MYO3A: variants seen among roughly 807,000 people sequenced by gnomAD.
MYO3A encodes myosin-IIIa.
In MYO3A, 180 loss-of-function variants were observed where a neutral mutation model predicts 192.7. The ratio of observed to expected loss-of-function variants is 0.93; its 90% CI spans 0.83 to 1.06. The LOEUF (loss-of-function observed/expected upper bound fraction) is 1.06, where lower values mean the gene tolerates loss of function less well. Among genes scored for constraint, MYO3A ranks in the 50% least tolerant of loss-of-function variants. The probability of loss-of-function intolerance (pLI) is 0.00; values close to 1 mark genes in which losing one functional copy is unlikely to be tolerated. For missense variants in MYO3A, 1,896 were observed against 1,905.0 expected, an observed-to-expected ratio of 1.00 and a Z score of 0.09; for synonymous variants, 628 against 645.3, an observed-to-expected ratio of 0.97 and a Z score of 0.41.
At chr10:26,075,935 G>A (rs1267144914) in intron 14 of MYO3A, among the ~76,000 whole-genome samples, 1 of 151,484 alleles carries the variant, frequency 6.6e-6, no homozygotes, top group African/African-American at 2.4e-5. Context: ...TTTTACGATT[G>A]TAAATTGTGC....
At position 26,175,442 on chromosome 10, in the gene MYO3A, T is replaced by C. The variant is rs531319515; in HGVS notation, c.4293+885T>C. ...ATACATGAATTTCCAGGGTAATCAATGGTGTATGAAGTAATAAAAGAAATA... is the reference window on the plus strand; with the variant it reads ...ATACATGAATTTCCAGGGTAATCAACGGTGTATGAAGTAATAAAAGAAATA... On this transcript the variant is annotated intron_variant, in intron 30 of 34. Coordinates refer to ENST00000642920, the MANE Select transcript of MYO3A (RefSeq NM_017433.5). 1.7e-4 allele frequency among the ~76,000 whole-genome samples: 26 copies of C among 152,314 alleles called. No individual in the cohort carries two copies. In the South Asian group the frequency reaches 5.2e-3, roughly 30 times the overall value.
At chr10:26,073,060 G>T (rs757520973) in intron 14 of MYO3A, among the ~76,000 whole-genome samples, 59 of 151,286 alleles carry the variant, frequency 3.9e-4, no homozygotes, top group Admixed American at 1.3e-4. Context: ...AGACCTCTAT[G>T]AAAAAATTTA....
At chr10:26,097,815 T>A (rs1214312420) in intron 17 of MYO3A, among the ~76,000 whole-genome samples, 1 of 152,210 alleles carries the variant, frequency 6.6e-6, no homozygotes, top group Non-Finnish European at 1.5e-5. Flanking sequence ...GTTCCAAGTC[T>A]TTGCTATTGT....
chr10:25,974,352 T>TCC (rs1838849398), intron 4 of MYO3A, among the ~76,000 whole-genome samples: 1 of 152,216 alleles, frequency 6.6e-6, no homozygotes, highest in Non-Finnish European at 1.5e-5. Flanking sequence ...CAGTCTGTGG[T>TCC]TAGCTTGTTG....
chr10:26,081,285 G>T (rs1835942326), intron 14 of MYO3A, among the ~76,000 whole-genome samples: 1 of 152,000 alleles, frequency 6.6e-6, no homozygotes. Context: ...CACTGGAGTT[G>T]TGTACCTAGG....
At chr10:26,042,216 T>C (rs2131227848) in intron 10 of MYO3A, among the ~76,000 whole-genome samples, 1 of 152,312 alleles carries the variant, frequency 6.6e-6, no homozygotes, top group East Asian at 1.9e-4. Context: ...TTATGTAATT[T>C]ACTTCTTTTG....
At chr10:26,139,221 A>G (rs1840016009) in intron 20 of MYO3A, among the ~76,000 whole-genome samples, 1 of 152,132 alleles carries the variant, frequency 6.6e-6, no homozygotes, top group Non-Finnish European at 1.5e-5. Context: ...AATTTCCCCC[A>G]TCAAAAATAG....
intron 10 of MYO3A, among the ~76,000 whole-genome samples, chr10:26,045,623 G>T (rs927195208): frequency 1.3e-5 from 2 of 152,132 alleles, no homozygotes; most frequent in Non-Finnish European, 2.9e-5. Context: ...TAGTGTTGGG[G>T]TGCTTTAGGT....
At chr10:26,095,127 G>A (rs1004452581) in intron 15 of MYO3A, among the ~76,000 whole-genome samples, 1 of 152,172 alleles carries the variant, frequency 6.6e-6, no homozygotes, top group Non-Finnish European at 1.5e-5. Flanking sequence ...GCCAAAAGTG[G>A]CAGGAAGGGG....
At chr10:26,169,534 T>C (rs1435503392) in intron 28 of MYO3A, among the ~76,000 whole-genome samples, 1 of 152,202 alleles carries the variant, frequency 6.6e-6, no homozygotes, top group African/African-American at 2.4e-5. Context: ...TTTTTAATTC[T>C]AGTCTATTCC....
At chr10:26,139,309 C>T (rs1211697884) in intron 20 of MYO3A, among the ~76,000 whole-genome samples, 4 of 150,524 alleles carry the variant, frequency 2.7e-5, no homozygotes, top group African/African-American at 7.3e-5. Context: ...GGCATGATCT[C>T]GGCTCACCAC....
chr10:25,965,214 C>G (rs1215543074), intron 4 of MYO3A, among the ~76,000 whole-genome samples: 1 of 152,192 alleles, frequency 6.6e-6, no homozygotes, highest in African/African-American at 2.4e-5. Flanking sequence ...TCTCTACCTC[C>G]TCTTTAAGGC....
chr10:26,130,490 C>G (rs772184453), intron 20 of MYO3A, among the ~76,000 whole-genome samples: 11 of 152,106 alleles, frequency 7.2e-5, no homozygotes, highest in Non-Finnish European at 1.5e-4. Flanking sequence ...GGGCTTGTTA[C>G]AAAACTTATT....
chr10:26,021,362 C>T, intron 7 of MYO3A, 141 bp from the exon 8 acceptor site: 1 of 953,588 alleles, frequency 1.0e-6, no homozygotes. Context: ...CTTTTATTCT[C>T]CTCCTAAGTT....
chr10:25,946,043 A>G (rs1181619623), intron 2 of MYO3A, among the ~76,000 whole-genome samples: 1 of 152,146 alleles, frequency 6.6e-6, no homozygotes, highest in East Asian at 1.9e-4. Flanking sequence ...TACGTTTTAT[A>G]TATTGTATCC....
chr10:26,211,102 A>G (rs1209432937), intron 34 of MYO3A, among the ~76,000 whole-genome samples: 1 of 152,184 alleles, frequency 6.6e-6, no homozygotes, highest in African/African-American at 2.4e-5. Context: ...TATAAACTCC[A>G]TGACAGCAAG....
rs201812562 is a variant in MYO3A at position 26,170,564 on chromosome 10, C to T, written c.3398+25C>T. 7.9e-4 allele frequency: 1,260 copies of T among 1,595,330 alleles called. 24 individuals carry two copies. The South Asian group carries it at 0.013, about 17-fold the overall frequency. On this transcript the variant is annotated intron_variant, in intron 29 of 34. Coordinates refer to ENST00000642920, the MANE Select transcript of MYO3A (RefSeq NM_017433.5). ...GGTATAATGATGTTCATTCTTATAC[C>T]GTTGTAACATATAGATTTTTCAGAT... is the stretch of plus-strand genomic sequence containing the variant.
chr10:26,092,257 G>C (rs1036776743), intron 15 of MYO3A, among the ~76,000 whole-genome samples: 5 of 152,168 alleles, frequency 3.3e-5, no homozygotes, highest in Admixed American at 2.0e-4. Flanking sequence ...CATGAGGTCA[G>C]GAGATTGAGA....
intron 31 of MYO3A, among the ~76,000 whole-genome samples, chr10:26,180,837 A>G (rs771570249): frequency 1.8e-4 from 28 of 152,142 alleles, no homozygotes; most frequent in Non-Finnish European, 2.2e-4. Context: ...TACGGTAAAC[A>G]TGACCATTCT....
Sources: allele counts gnomAD v4.1 joint callset (sites outside exome capture counted in the v4.1 genomes callset), GRCh38; gene constraint gnomAD v4.1.1; transcripts MANE v1.5; gene names NCBI Gene and HGNC (gene_info 2026-07-23, HGNC 2026-07-21).